Variants in ADGRD1 observed in about 807,000 individuals in gnomAD.
ADGRD1 encodes the protein G-protein coupled receptor 133.
A neutral mutation model predicts 113.4 loss-of-function variants in ADGRD1; 77 were observed. The observed-to-expected ratio is 0.68, with a 90% CI of 0.57 to 0.82. The LOEUF is 0.82. Ranked by LOEUF, ADGRD1 falls within the 40% of genes least tolerant of loss-of-function variation. The pLI is 0.00. For missense variants in ADGRD1, 1,036 were observed against 1,139.1 expected (o/e 0.91, Z 1.30); for synonymous variants, 474 against 475.0 (o/e 1.00, Z 0.03).
intron 13 of ADGRD1, among the ~76,000 whole-genome samples, chr12:131,045,425 A>AG (rs1434038276): frequency 2.6e-5 from 4 of 152,254 alleles, no homozygotes; most frequent in Admixed American, 1.3e-4. Flanking sequence ...TCTGTTCACA[A>AG]GGGGCTCCAG....
intron 12 of ADGRD1, among the ~76,000 whole-genome samples, chr12:131,012,962 G>C (rs1878120967): frequency 6.6e-6 from 1 of 152,210 alleles, no homozygotes; most frequent in Non-Finnish European, 1.5e-5. Context: ...TCAAATTCAT[G>C]GAACAGATAC....
intron 15 of ADGRD1, among the ~76,000 whole-genome samples, chr12:131,101,373 C>CTTTTTTTTTTTTTTTTTTTTTTTTTTTTT (rs796951608): frequency 1.3e-5 from 1 of 79,354 alleles, no homozygotes; most frequent in Non-Finnish European, 2.4e-5. Context: ...CTTTTTCTTT[C>CTTTTTTTTTTTTTTTTTTTTTTTTTTTTT]TTTCTTTTTT....
intron 13 of ADGRD1, among the ~76,000 whole-genome samples, chr12:131,036,361 G>C (rs1398278759): frequency 6.7e-6 from 1 of 149,622 alleles, no homozygotes. Flanking sequence ...CTTACTCACT[G>C]CATGGGGCCT....
chr12:131,004,392 G>GCTGCGATGCTCCCCCGGGCCGC, intron 11 of ADGRD1, 96 bp downstream of exon 11: 1 of 790,718 alleles, frequency 1.3e-6, no homozygotes, highest in Non-Finnish European at 2.1e-6. Context: ...GCGCCAGGGA[G>GCTGCGATGCTCCCCCGGGCCGC]CTGCGGTGCT....
At chr12:131,061,668 A>G (rs1394093442) in intron 13 of ADGRD1, among the ~76,000 whole-genome samples, 2 of 152,244 alleles carry the variant, frequency 1.3e-5, no homozygotes, top group African/African-American at 2.4e-5. Context: ...GGAAACTAAC[A>G]TCAGTGCTAT....
At chr12:131,131,690 GCCCCC>G in intron 20 of ADGRD1, 30 bp from the exon 21 acceptor site, 11 of 1,458,724 alleles carry the variant, frequency 7.5e-6, no homozygotes, top group Admixed American at 1.7e-5. Context: ...TGCAGCCCAG[GCCCCC>G]CTCACCTTCC....
At chr12:131,074,814 G>C (rs945096115) in intron 13 of ADGRD1, among the ~76,000 whole-genome samples, 2 of 152,194 alleles carry the variant, frequency 1.3e-5, no homozygotes, top group Admixed American at 6.5e-5. Flanking sequence ...TTCAGGGCGT[G>C]ATCTTGGCTC....
chr12:131,018,950 A>G (rs996309065), intron 13 of ADGRD1, among the ~76,000 whole-genome samples: 3 of 152,176 alleles, frequency 2.0e-5, no homozygotes, highest in Admixed American at 2.0e-4. Context: ...GGGCCTGAGG[A>G]CATGACAGGC....
intron 13 of ADGRD1, among the ~76,000 whole-genome samples, chr12:131,044,261 C>T (rs1285337508): frequency 6.6e-6 from 1 of 152,204 alleles, no homozygotes; most frequent in East Asian, 1.9e-4. Context: ...AAGCGGCCGT[C>T]CTCACATGGG....
chr12:131,096,608 C>T lies in ADGRD1; in HGVS notation c.1672-8223C>T, dbSNP rs542133944. On this transcript the variant is annotated intron_variant, in intron 15 of 24. Coordinates refer to ENST00000261654, the MANE Select transcript of ADGRD1 (RefSeq NM_198827.5). This position sits in a 1 kb window ranked among gnomAD's most constrained non-coding sequence, Gnocchi z 5.2. ...GCCTCCATCTGTGAGGATGGGTTCCCGTGGGGCACTGCTGGTCCAGGTTTA... is the reference window on the plus strand; with the variant it reads ...GCCTCCATCTGTGAGGATGGGTTCCTGTGGGGCACTGCTGGTCCAGGTTTA... 9.2e-5 allele frequency among the ~76,000 whole-genome samples: 14 copies of T among 152,024 alleles called. No individual in the cohort carries two copies. The East Asian group carries it at 1.9e-3, about 21-fold the overall frequency.
chr12:131,004,658 G>A (rs760217594), intron 11 of ADGRD1, among the ~76,000 whole-genome samples: 13 of 152,110 alleles, frequency 8.5e-5, no homozygotes, highest in South Asian at 2.1e-4. Context: ...CTCCTAAATC[G>A]GCACACACCT....
rs1950385284 is a variant in ADGRD1, at chr12:131,113,284, T to C, written c.2041+4407T>C. On this transcript the variant is annotated intron_variant, in intron 18 of 24. Transcript: ENST00000261654. This position sits in a 1 kb window ranked among gnomAD's most constrained non-coding sequence, Gnocchi z 4.9. ...TTTTAAAACTTTTTTTTTTCAGTGA[T>C]AGCTGTCTCTGGGGAGGGGTCTGCT... Among the ~76,000 whole-genome samples the C allele has an allele frequency of 6.6e-6, 1 of 152,070 alleles. No homozygotes were observed. Among genetic ancestry groups the C allele is most frequent in the African/African-American group, 2.4e-5 (1 of 41,452 alleles).
chr12:131,008,173 C>A (rs913474609), intron 12 of ADGRD1, among the ~76,000 whole-genome samples: 1 of 152,246 alleles, frequency 6.6e-6, no homozygotes, highest in Non-Finnish European at 1.5e-5. Context: ...ACATGACATA[C>A]AAGTGCCTGC....
chr12:131,084,611 G>A lies in ADGRD1; in HGVS notation c.1619G>A (p.Arg540His), dbSNP rs145630930. ...GGAAACCTCACCTACTCCGTCTGCC[G>A]CTGCACTCACCTCACCAACTTTGCC... ...TRGNLTYSVC[R>H]CTHLTNFAIL... is the part of the protein sequence containing the mutation. The change falls in exon 15 of 25, where the codon CGC (arginine) becomes CAC (histidine). Residue 540 changes from arginine to histidine, a missense_variant. Physicochemically the swap from Arg to His is conservative, Grantham distance 29. Transcript: ENST00000261654. This position sits in a 1 kb window ranked among gnomAD's most constrained non-coding sequence, Gnocchi z 4.5. The A allele has an allele frequency of 1.5e-5, 25 of 1,614,050 alleles. No individual in the cohort carries two copies. The highest frequency in any genetic ancestry group is 8.9e-5 in the East Asian group (4 of 44,860).
At chr12:131,008,383 A>G (rs761177754) in intron 12 of ADGRD1, among the ~76,000 whole-genome samples, 1 of 152,198 alleles carries the variant, frequency 6.6e-6, no homozygotes, top group Non-Finnish European at 1.5e-5. Context: ...TGTCATCCTC[A>G]TACATCCGCA....
intron 13 of ADGRD1, among the ~76,000 whole-genome samples, chr12:131,037,016 G>A (rs1881526165): frequency 1.5e-5 from 2 of 129,552 alleles, no homozygotes; most frequent in Admixed American, 8.0e-5. Context: ...CTCACTCACT[G>A]CACCAGGATC....
rs2136127717 is a variant in ADGRD1 at position 131,141,417 on chromosome 12, T to C, written c.*2154T>C. ...GTAGAAGAAAGATGATGACACTAAG[T>C]TGTGAAAATATGTTGTGATTTTTAT... On this transcript the variant is annotated 3_prime_UTR_variant, in exon 25 of 25. Transcript: ENST00000261654. 1.3e-5 allele frequency: 2 copies of C among 152,324 alleles called. No individual in the cohort carries two copies. Among genetic ancestry groups the C allele is most frequent in the Middle Eastern group, 6.8e-3 (2 of 294 alleles). 9.4% of individuals were successfully genotyped at this position (152,324 alleles called of 1,614,324 possible).
intron 13 of ADGRD1, among the ~76,000 whole-genome samples, chr12:131,052,086 C>T (rs1447713829): frequency 1.3e-5 from 2 of 152,194 alleles, no homozygotes; most frequent in African/African-American, 4.8e-5. Context: ...CCAGCTCCTC[C>T]TGGGGCCTGC....
intron 4 of ADGRD1, among the ~76,000 whole-genome samples, chr12:130,974,941 A>G (rs2136554293): frequency 6.6e-6 from 1 of 152,186 alleles, no homozygotes; most frequent in South Asian, 2.1e-4. Context: ...TTCTGGGGAC[A>G]TGTTCTTAAG....
Sources: gnomAD v4.1 joint callset for allele counts (sites outside exome capture counted in the v4.1 genomes callset) on GRCh38, gnomAD v4.1.1 for gene constraint, Gnocchi (gnomAD v3.1) non-coding constraint, MANE v1.5 for transcripts, NCBI Gene and HGNC (gene_info 2026-07-23, HGNC 2026-07-21) for gene names.